Variants in USH2A observed in about 807,000 individuals in gnomAD.
USH2A encodes usherin.
USH2A carries 443 observed loss-of-function variants against 538.9 expected under a neutral mutation model. The observed-to-expected ratio is 0.82, with a 90% CI of 0.76 to 0.89. The LOEUF is 0.89. Among genes scored for constraint, USH2A ranks in the 40% least tolerant of loss-of-function variants. The pLI is 0.00. For missense variants in USH2A, 6,633 were observed against 6,324.8 expected (o/e 1.05, Z -1.65); for synonymous variants, 2,413 against 2,273.5 (o/e 1.06, Z -1.75).
chr1:215,923,564 A>C (rs1034765121), intron 38 of USH2A, among the ~76,000 whole-genome samples: 1 of 152,036 alleles, frequency 6.6e-6, no homozygotes, highest in African/African-American at 2.4e-5. Context: ...TGGTTAGGAG[A>C]ATACAGTGTC....
chr1:215,971,789 C>G (rs1471176826), intron 35 of USH2A, among the ~76,000 whole-genome samples: 1 of 152,054 alleles, frequency 6.6e-6, no homozygotes, highest in Non-Finnish European at 1.5e-5. Context: ...CCCATTGATT[C>G]ATGTAAATAG....
At chr1:215,672,687 C>T (rs561007153) in intron 63 of USH2A, among the ~76,000 whole-genome samples, 1 of 152,264 alleles carries the variant, frequency 6.6e-6, no homozygotes, top group African/African-American at 2.4e-5. Flanking sequence ...AAGGAGGACA[C>T]ACACATTTGC....
At chr1:216,007,919 C>A (rs1668445818) in intron 32 of USH2A, among the ~76,000 whole-genome samples, 1 of 152,218 alleles carries the variant, frequency 6.6e-6, no homozygotes, top group Admixed American at 6.5e-5. Context: ...TAACTGTACA[C>A]AGAGATAGAG....
intron 61 of USH2A, among the ~76,000 whole-genome samples, chr1:215,690,420 T>C (rs1658563204): frequency 6.6e-6 from 1 of 152,186 alleles, no homozygotes; most frequent in African/African-American, 2.4e-5. Context: ...GTCTAATTCC[T>C]AGAGAAAGCG....
Position 215,817,059 on chromosome 1 carries a change from C to G in USH2A, c.9508G>C (p.Ala3170Pro). ...VQDQSDELCKAVRCQKPESIC... is the reference protein window; with the variant it reads ...VQDQSDELCKPVRCQKPESIC... ...GATTCAGGTTTTTGACACCTCACTGCCTTGCAGAGCTCATCACTCTGATCC... is the reference window on the plus strand; with the variant it reads ...GATTCAGGTTTTTGACACCTCACTGGCTTGCAGAGCTCATCACTCTGATCC... Residue 3170 changes from alanine to proline, a missense_variant, in exon 48 of 72, where the codon GCA becomes CCA. Coordinates refer to ENST00000307340, the MANE Select transcript of USH2A (RefSeq NM_206933.4). 6.2e-7 allele frequency: 1 copy of G among 1,612,754 alleles called. No individual in the cohort carries two copies. The highest frequency in any genetic ancestry group is 1.7e-4 in the Middle Eastern group (1 of 6,052).
chr1:215,902,748 G>A (rs755850934), intron 38 of USH2A, among the ~76,000 whole-genome samples: 6 of 152,076 alleles, frequency 3.9e-5, no homozygotes, highest in Non-Finnish European at 8.8e-5. Flanking sequence ...GTAGCCATCC[G>A]AATGTCTGGA....
intron 37 of USH2A, among the ~76,000 whole-genome samples, chr1:215,945,440 G>C (rs900284186): frequency 6.6e-6 from 1 of 152,040 alleles, no homozygotes; most frequent in African/African-American, 2.4e-5. Flanking sequence ...TAATATCTTT[G>C]TCATGAAAAA....
chr1:215,965,074 G>C (rs538753739), intron 37 of USH2A, among the ~76,000 whole-genome samples: 73 of 152,234 alleles, frequency 4.8e-4, no homozygotes, highest in African/African-American at 1.7e-3. Flanking sequence ...GATTCACTAG[G>C]CTGGGGCAGA....
intron 14 of USH2A, among the ~76,000 whole-genome samples, chr1:216,227,025 T>C (rs1037493290): frequency 6.6e-6 from 1 of 152,176 alleles, no homozygotes; most frequent in Admixed American, 6.5e-5. Flanking sequence ...TAAGACCTTC[T>C]CACTGGACTC....
rs999096842 is a variant in USH2A, at chr1:216,012,611, C to G, written c.6326-12049G>C. ...AATCAGCCAAGCAGTTTTTCAGGCTCTTAGTATTCAGTGAAACCTTTATAT... is the reference window on the plus strand; with the variant it reads ...AATCAGCCAAGCAGTTTTTCAGGCTGTTAGTATTCAGTGAAACCTTTATAT... On this transcript the variant is annotated intron_variant, in intron 32 of 71. Transcript: ENST00000307340. 6.0e-4 allele frequency among the ~76,000 whole-genome samples: 91 copies of G among 152,192 alleles called. 1 individual carries two copies. Among genetic ancestry groups the G allele is most frequent in the African/African-American group, 2.1e-3 (87 of 41,510 alleles).
intron 21 of USH2A, among the ~76,000 whole-genome samples, chr1:216,132,040 T>C (rs1392335712): frequency 6.6e-6 from 1 of 152,070 alleles, no homozygotes; most frequent in African/African-American, 2.4e-5. Context: ...GAAATTTGTG[T>C]CCACATGCTC....
At position 215,625,726 on chromosome 1, in the gene USH2A, AGGAAATGGG is replaced by A. The variant is rs1389325356; in HGVS notation, c.*46_*54del. The A allele has an allele frequency of 2.0e-6, 3 of 1,512,588 alleles. No homozygotes were observed. The highest frequency in any genetic ancestry group is 2.3e-5 in the East Asian group (1 of 44,306). 93.7% of individuals were successfully genotyped at this position (1,512,588 alleles called of 1,614,324 possible). On this transcript the variant is annotated 3_prime_UTR_variant, in exon 72 of 72. Coordinates refer to ENST00000307340, the MANE Select transcript of USH2A (RefSeq NM_206933.4). The stretch of plus-strand genomic sequence containing the variant: ...TATGATGTGTGAGTGATAACCCAGG[AGGAAATGGG>A]TGCAGACCTTGCATTCCAGGGTTAC...
At chr1:216,230,255 A>C (rs2102517642) in intron 14 of USH2A, among the ~76,000 whole-genome samples, 1 of 152,294 alleles carries the variant, frequency 6.6e-6, no homozygotes, top group African/African-American at 2.4e-5. Flanking sequence ...TATTTCAAAA[A>C]AATTACATCT....
intron 35 of USH2A, among the ~76,000 whole-genome samples, chr1:215,980,972 G>C (rs1179517304): frequency 6.6e-6 from 1 of 152,084 alleles, no homozygotes; most frequent in Non-Finnish European, 1.5e-5. Context: ...GTCCTGGAGA[G>C]GAATTGTTGA....
chr1:216,303,017 T>C (rs530093751), intron 9 of USH2A, among the ~76,000 whole-genome samples: 28 of 152,116 alleles, frequency 1.8e-4, no homozygotes, highest in Admixed American at 5.9e-4. Flanking sequence ...TGCATTCTTA[T>C]TTGTTAATTT....
Position 215,675,409 on chromosome 1 carries a change from A to G in USH2A, c.12502T>C (p.Ser4168Pro). The G allele has an allele frequency of 6.2e-7, 1 of 1,614,108 alleles. No individual in the cohort carries two copies. Among genetic ancestry groups the G allele is most frequent in the African/African-American group, 1.3e-5 (1 of 75,030 alleles). The change falls in exon 63 of 72, where the codon TCC becomes CCC. Residue 4168 changes from serine (S) to proline (P), a missense_variant. Transcript: ENST00000307340. Reference protein sequence around the residue: ...QLAPTVHSVKSTSVELSWSEP... With the variant: ...QLAPTVHSVKPTSVELSWSEP... The stretch of plus-strand genomic sequence containing the variant: ...GACCAGCTCAGCTCAACACTGGTGG[A>G]CTTCACAGAGTGGACAGTAGGAGCC...
intron 30 of USH2A, among the ~76,000 whole-genome samples, chr1:216,056,695 G>T (rs950488559): frequency 2.6e-5 from 4 of 152,080 alleles, no homozygotes; most frequent in Admixed American, 1.3e-4. Flanking sequence ...GAAATTAGAA[G>T]TCTTGTCCTC....
chr1:215,794,183 C>CA (rs1046417777), intron 50 of USH2A, among the ~76,000 whole-genome samples: 18 of 152,184 alleles, frequency 1.2e-4, no homozygotes, highest in Non-Finnish European at 2.2e-4. Context: ...GTTCCAACAG[C>CA]ATCTGTTAAT....
chr1:215,886,086 T>G (rs951396331), intron 41 of USH2A, among the ~76,000 whole-genome samples: 1 of 152,240 alleles, frequency 6.6e-6, no homozygotes, highest in Non-Finnish European at 1.5e-5. Flanking sequence ...TGATGTTCCG[T>G]AAATGTCAAT....
Sources: gnomAD v4.1 joint callset for allele counts (sites outside exome capture counted in the v4.1 genomes callset) on GRCh38, gnomAD v4.1.1 for gene constraint, MANE v1.5 for transcripts, NCBI Gene and HGNC (gene_info 2026-07-23, HGNC 2026-07-21) for gene names.